Variants in CDH18 observed in about 807,000 individuals in gnomAD.
CDH18 encodes cadherin-18.
In CDH18, 31 loss-of-function variants were observed where a neutral mutation model predicts 67.9. The observed-to-expected ratio is 0.46, with a 90% CI of 0.34 to 0.62. CDH18 has a LOEUF of 0.62. Among genes scored for constraint, CDH18 ranks in the 20% least tolerant of loss-of-function variants. CDH18 has a pLI of 0.01. For synonymous variants in CDH18, 362 were observed against 347.2 expected (o/e 1.04, Z -0.48); for missense variants, 890 against 975.5 (o/e 0.91, Z 1.17).
intron 1 of CDH18, among the ~76,000 whole-genome samples, chr5:20,498,569 A>C (rs1206484867): frequency 6.6e-6 from 1 of 152,146 alleles, no homozygotes; most frequent in Non-Finnish European, 1.5e-5. Flanking sequence ...ATGAGTGTTT[A>C]ACTCACAGTG....
chr5:20,486,832 T>C (rs1753222751), intron 1 of CDH18, among the ~76,000 whole-genome samples: 1 of 151,654 alleles, frequency 6.6e-6, no homozygotes, highest in Non-Finnish European at 1.5e-5. Context: ...ATGTTAACTT[T>C]TGTAGCTAAG....
intron 10 of CDH18, among the ~76,000 whole-genome samples, chr5:19,518,606 C>A (rs1222802510): frequency 1.3e-5 from 2 of 152,118 alleles, no homozygotes; most frequent in African/African-American, 4.8e-5. Context: ...TTTTCCTGTG[C>A]TGGATCCTTC....
intron 1 of CDH18, among the ~76,000 whole-genome samples, chr5:20,283,789 T>A (rs1033077418): frequency 2.6e-5 from 4 of 152,028 alleles, no homozygotes; most frequent in Non-Finnish European, 5.9e-5. Flanking sequence ...ATGGCAAAGA[T>A]ATATCAGCAC....
intron 2 of CDH18, among the ~76,000 whole-genome samples, chr5:20,035,755 T>C (rs1739804728): frequency 6.6e-6 from 1 of 151,956 alleles, no homozygotes; most frequent in Admixed American, 6.6e-5. Context: ...CAGTCATCTT[T>C]TTTTAAAAGA....
chr5:19,692,691 C>A (rs1455759994), intron 5 of CDH18, among the ~76,000 whole-genome samples: 3 of 151,532 alleles, frequency 2.0e-5, no homozygotes, highest in East Asian at 1.9e-4. Flanking sequence ...TAACATCATA[C>A]CCCAGTTAGA....
intron 2 of CDH18, among the ~76,000 whole-genome samples, chr5:20,070,162 A>G (rs1743349527): frequency 6.6e-6 from 1 of 152,122 alleles, no homozygotes; most frequent in Admixed American, 6.5e-5. Context: ...TGAAACACAG[A>G]TTGGCTTATT....
chr5:20,356,714 C>A lies in CDH18; in HGVS notation c.-579-101209G>T, dbSNP rs550250610. On this transcript the variant is annotated intron_variant, in intron 1 of 14. Transcript: ENST00000507958. The stretch of plus-strand genomic sequence containing the variant: ...AAACATACCTAGATATGGATATATA[C>A]CAAGGTCTCTCTCTCTCTCTCTCTC... Among the ~76,000 whole-genome samples the A allele has an allele frequency of 3.4e-3, 457 of 135,126 alleles. 6 individuals are homozygous for A. The highest frequency in any genetic ancestry group is 0.013 in the African/African-American group (432 of 33,992). The allele number at this position is 135,126 out of a possible 152,430, so 88.6% of individuals were successfully genotyped here. A position where few individuals can be genotyped will look rare whatever the true frequency, so the allele number is the denominator to read the frequency against.
At chr5:19,702,879 A>G (rs958131183) in intron 5 of CDH18, among the ~76,000 whole-genome samples, 4 of 152,300 alleles carry the variant, frequency 2.6e-5, no homozygotes, top group Non-Finnish European at 5.9e-5. Context: ...AGGGCAGAAA[A>G]CCACTTAAGG....
At chr5:20,542,008 C>A (rs1295219181) in intron 1 of CDH18, among the ~76,000 whole-genome samples, 1 of 152,102 alleles carries the variant, frequency 6.6e-6, no homozygotes, top group East Asian at 1.9e-4. Flanking sequence ...TGTAGAGGTG[C>A]AATCTCGGCT....
At chr5:20,053,659 A>G (rs1207914722) in intron 2 of CDH18, among the ~76,000 whole-genome samples, 3 of 152,100 alleles carry the variant, frequency 2.0e-5, no homozygotes, top group Admixed American at 2.0e-4. Flanking sequence ...AAAGGTACAG[A>G]TGTAGTTGAA....
intron 1 of CDH18, among the ~76,000 whole-genome samples, chr5:20,549,828 G>A (rs1031810561): frequency 6.6e-6 from 1 of 152,098 alleles, no homozygotes; most frequent in African/African-American, 2.4e-5. Context: ...ATATAAAAAT[G>A]TGCATATTTA....
chr5:20,093,274 T>C (rs967499046), intron 2 of CDH18, among the ~76,000 whole-genome samples: 14 of 151,796 alleles, frequency 9.2e-5, no homozygotes, highest in Non-Finnish European at 1.6e-4. Flanking sequence ...TTAACATTTT[T>C]CAATTACAAC....
chr5:20,260,756 T>A (rs1744590213), intron 1 of CDH18, among the ~76,000 whole-genome samples: 1 of 152,008 alleles, frequency 6.6e-6, no homozygotes, highest in South Asian at 2.1e-4. Context: ...CCTGCTGACT[T>A]GGCAGAAGTA....
chr5:20,408,813 T>G (rs34194219), intron 1 of CDH18, among the ~76,000 whole-genome samples: 37,805 of 151,472 alleles, frequency 0.25, 5,292 homozygotes, highest in East Asian at 0.5. Flanking sequence ...AATAACAATA[T>G]GATCCAACAA....
intron 2 of CDH18, among the ~76,000 whole-genome samples, chr5:20,078,556 A>G (rs1258786099): frequency 6.6e-6 from 1 of 151,934 alleles, no homozygotes; most frequent in Non-Finnish European, 1.5e-5. Context: ...AAACCAATAG[A>G]TTAGAGAAAA....
At chr5:20,101,295 G>C (rs1746445097) in intron 2 of CDH18, among the ~76,000 whole-genome samples, 1 of 151,994 alleles carries the variant, frequency 6.6e-6, no homozygotes, top group Admixed American at 6.6e-5. Context: ...TAATATGATT[G>C]GTTTCATTAA....
intron 1 of CDH18, among the ~76,000 whole-genome samples, chr5:20,566,626 A>T (rs2434784): frequency 4.7e-5 from 7 of 147,620 alleles, no homozygotes; most frequent in African/African-American, 1.0e-4. Context: ...CCGCCCACCT[A>T]GGCCTTCCAA....
chr5:19,707,450 G>A lies in CDH18; in HGVS notation c.643+13897C>T, dbSNP rs184469060. ...TATTTACCTTTTCCACCACTTCTAC[G>A]GCCTGTAACTTGGCTGGACCCCCCA... On this transcript the variant is annotated intron_variant, in intron 5 of 12. Coordinates refer to ENST00000382275, the MANE Select transcript of CDH18 (RefSeq NM_004934.5). 2.8e-3 allele frequency among the ~76,000 whole-genome samples: 423 copies of A among 152,090 alleles called. 1 individual carries two copies. The highest frequency in any genetic ancestry group is 9.6e-3 in the African/African-American group (398 of 41,476).
chr5:20,508,326 TATATATATATATATA>T (rs1754781156), intron 1 of CDH18, among the ~76,000 whole-genome samples: 1 of 13,002 alleles, frequency 7.7e-5, no homozygotes, highest in Non-Finnish European at 1.3e-4. Flanking sequence ...ACTATGATTA[TATATATATATATATA>T]TATATATATA....
Sources: allele counts gnomAD v4.1 joint callset (sites outside exome capture counted in the v4.1 genomes callset), GRCh38; gene constraint gnomAD v4.1.1; transcripts MANE v1.5; gene names NCBI Gene and HGNC (gene_info 2026-07-23, HGNC 2026-07-21).